Variants in KIAA0319 observed in about 807,000 individuals in gnomAD.
KIAA0319 encodes the protein dyslexia-associated protein KIAA0319.
A neutral mutation model predicts 108.4 loss-of-function variants in KIAA0319; 83 were observed. The ratio of observed to expected loss-of-function variants is 0.77; its 90% confidence interval spans 0.64 to 0.92. KIAA0319 has a LOEUF of 0.92. Ranked by LOEUF, KIAA0319 falls within the 40% of genes least tolerant of loss-of-function variation. The probability of loss-of-function intolerance (pLI) is 0.00; values close to 1 mark genes in which losing one functional copy is unlikely to be tolerated. For missense variants in KIAA0319, 1,195 were observed against 1,322.4 expected (o/e 0.90, Z 1.49); for synonymous variants, 484 against 510.4 (o/e 0.95, Z 0.70).
chr6:24,598,603 C>A (rs113266006), intron 2 of KIAA0319: 28 of 360,296 alleles, frequency 7.8e-5, no homozygotes, highest in African/African-American at 5.3e-4. Flanking sequence ...AGGGTGGGTG[C>A]GGTGGCTCAC....
intron 3 of KIAA0319, among the ~76,000 whole-genome samples, chr6:24,594,707 A>G (rs1207136096): frequency 6.6e-6 from 1 of 152,094 alleles, no homozygotes; most frequent in Admixed American, 6.5e-5. Flanking sequence ...GGTTGAGATT[A>G]TAATGTATAG....
intron 3 of KIAA0319, among the ~76,000 whole-genome samples, chr6:24,595,274 CG>C (rs1769292629): frequency 1.3e-5 from 2 of 152,158 alleles, no homozygotes; most frequent in Admixed American, 1.3e-4. Context: ...TATCCAGGCG[CG>C]GTGGCTCACG....
intron 1 of KIAA0319, among the ~76,000 whole-genome samples, chr6:24,608,155 T>C (rs922703557): frequency 5.9e-5 from 9 of 152,092 alleles, no homozygotes; most frequent in Non-Finnish European, 1.0e-4. Flanking sequence ...AGGCTGACTT[T>C]AACAAGGTAT....
At chr6:24,547,421 C>CACCA (rs1760787174) in intron 20 of KIAA0319, 78 bp from the exon 21 acceptor site, 2 of 1,283,730 alleles carry the variant, frequency 1.6e-6, no homozygotes, top group Admixed American at 1.9e-5. Context: ...GTTGCAGGTC[C>CACCA]TGTGATGGGC....
chr6:24,601,073 A>G lies in KIAA0319; in HGVS notation c.31T>C (p.Leu11=). ...CCTGCAATTGTCACCAGCAGCAGCA[A>G]TGAAGAGAGCACACCTGTGGGGGGC... The part of the protein sequence containing the change: MAPPTGVLSS[L]LLLVTIAGCA... The change falls in exon 2 of 21, where the codon TTG becomes CTG. Residue 11 remains leucine (L), a synonymous_variant. Coordinates refer to ENST00000378214, the MANE Select transcript of KIAA0319 (RefSeq NM_014809.4). The G allele has an allele frequency of 6.2e-7, 1 of 1,614,166 alleles. No homozygotes were observed.
chr6:24,643,703 A>G (rs1777255064), intron 1 of KIAA0319, among the ~76,000 whole-genome samples: 1 of 152,248 alleles, frequency 6.6e-6, no homozygotes, highest in African/African-American at 2.4e-5. Flanking sequence ...GGTATGAAAA[A>G]TATTTCCTGA....
intron 14 of KIAA0319, among the ~76,000 whole-genome samples, chr6:24,565,224 G>C (rs915874288): frequency 5.3e-5 from 8 of 151,596 alleles, no homozygotes; most frequent in African/African-American, 1.9e-4. Context: ...CTAAACTCCA[G>C]TCTAGGTGAC....
chr6:24,547,081 C>G lies in KIAA0319; in HGVS notation c.*84G>C. On this transcript the variant is annotated 3_prime_UTR_variant, in exon 21 of 21. Transcript: ENST00000378214. Reference sequence around the variant, plus strand: ...TGGGGAAGAAGGTCAATGAACTATTCTAAAAGAGTGGGTTTTGTGCTGTAA... The same window carrying G: ...TGGGGAAGAAGGTCAATGAACTATTGTAAAAGAGTGGGTTTTGTGCTGTAA... 1.4e-6 allele frequency: 2 copies of G among 1,408,938 alleles called. No individual in the cohort carries two copies. Among genetic ancestry groups the G allele is most frequent in the Non-Finnish European group, 2.0e-6 (2 of 1,007,524 alleles). The allele number at this position is 1,408,938 out of a possible 1,614,324, so 87.3% of individuals were successfully genotyped here.
chr6:24,568,458 T>C (rs189271899), intron 13 of KIAA0319, among the ~76,000 whole-genome samples: 1 of 152,348 alleles, frequency 6.6e-6, no homozygotes, highest in African/African-American at 2.4e-5. Flanking sequence ...ACATCTCTTT[T>C]CTTGAATTTC....
At chr6:24,616,913 G>C (rs530878744) in intron 1 of KIAA0319, among the ~76,000 whole-genome samples, 4 of 151,970 alleles carry the variant, frequency 2.6e-5, no homozygotes, top group Non-Finnish European at 4.4e-5. Context: ...ATGTTTTTCA[G>C]TAAGTCAAAC....
At chr6:24,587,834 C>T (rs540718091) in intron 4 of KIAA0319, among the ~76,000 whole-genome samples, 2 of 152,288 alleles carry the variant, frequency 1.3e-5, no homozygotes, top group East Asian at 1.9e-4. Context: ...ATGATCTGCT[C>T]GCCTGGGCTT....
At chr6:24,555,365 C>T (rs373938242) in intron 18 of KIAA0319, among the ~76,000 whole-genome samples, 13 of 151,992 alleles carry the variant, frequency 8.6e-5, no homozygotes, top group African/African-American at 3.1e-4. Context: ...GACATGATGG[C>T]ACACACCTGT....
At chr6:24,575,319 G>A (rs931182720) in intron 10 of KIAA0319, among the ~76,000 whole-genome samples, 8 of 152,170 alleles carry the variant, frequency 5.3e-5, no homozygotes, top group Admixed American at 2.0e-4. Flanking sequence ...GGATTTTGGA[G>A]TATTAGCTTT....
At chr6:24,604,604 C>T (rs1173347097) in intron 1 of KIAA0319, among the ~76,000 whole-genome samples, 2 of 152,194 alleles carry the variant, frequency 1.3e-5, no homozygotes, top group Non-Finnish European at 2.9e-5. Flanking sequence ...ACTTTCACAA[C>T]CATATTGTAC....
At chr6:24,593,103 T>A (rs1203085581) in intron 3 of KIAA0319, among the ~76,000 whole-genome samples, 2 of 152,214 alleles carry the variant, frequency 1.3e-5, no homozygotes, top group African/African-American at 4.8e-5. Context: ...GTCATAAAAA[T>A]GATAAAAATG....
intron 11 of KIAA0319, 78 bp from the exon 12 acceptor site, chr6:24,570,113 T>C (rs893948289): frequency 2.9e-6 from 4 of 1,398,062 alleles, no homozygotes; most frequent in East Asian, 2.4e-5. Context: ...TTGATTTAAG[T>C]ACATTACTCA....
chr6:24,613,679 G>GAAA (rs57271356), intron 1 of KIAA0319, among the ~76,000 whole-genome samples: 27 of 137,494 alleles, frequency 2.0e-4, no homozygotes, highest in African/African-American at 6.3e-4. Context: ...TCATTTGAGG[G>GAAA]AAAAAAAAAA....
intron 15 of KIAA0319, among the ~76,000 whole-genome samples, chr6:24,563,916 A>G (rs991542267): frequency 6.6e-6 from 1 of 152,144 alleles, no homozygotes; most frequent in African/African-American, 2.4e-5. Context: ...GTGCCCTGGT[A>G]TGAGGCCCTT....
At chr6:24,624,182 A>C (rs1774383642) in intron 1 of KIAA0319, among the ~76,000 whole-genome samples, 1 of 143,220 alleles carries the variant, frequency 7.0e-6, no homozygotes, top group African/African-American at 2.6e-5. Context: ...ACACCACCAC[A>C]CCTAGCTAAT....
Sources: allele counts gnomAD v4.1 joint callset (sites outside exome capture counted in the v4.1 genomes callset), GRCh38; gene constraint gnomAD v4.1.1; transcripts MANE v1.5; gene names NCBI Gene and HGNC (gene_info 2026-07-23, HGNC 2026-07-21).